The following SETBP1 variants were observed in gnomAD, a reference collection of about 807,000 sequenced individuals.
The protein encoded by SETBP1 is SET-binding protein.
A neutral mutation model predicts 101.0 loss-of-function variants in SETBP1; 9 were observed. That is an observed-to-expected ratio of 0.09 (90% CI 0.05 to 0.16). The LOEUF (loss-of-function observed/expected upper bound fraction) is 0.16, where lower values mean the gene tolerates loss of function less well. Ranked by LOEUF, SETBP1 falls within the 10% of genes least tolerant of loss-of-function variation. SETBP1 has a pLI of 1.00. For missense variants in SETBP1, 1,858 were observed against 2,033.8 expected, an observed-to-expected ratio of 0.91 and a Z score of 1.66; for synonymous variants, 818 against 788.5, an observed-to-expected ratio of 1.04 and a Z score of -0.63.
At chr18:44,927,011 G>A (rs2070721040) in intron 3 of SETBP1, among the ~76,000 whole-genome samples, 2 of 152,166 alleles carry the variant, frequency 1.3e-5, no homozygotes, top group South Asian at 4.1e-4. Context: ...AGGGAAAGTA[G>A]GAGGGGTAGC....
chr18:44,860,312 T>C (rs904857743), intron 2 of SETBP1, among the ~76,000 whole-genome samples: 1 of 152,192 alleles, frequency 6.6e-6, no homozygotes, highest in Non-Finnish European at 1.5e-5. Context: ...TTTCTTAATT[T>C]TGTTGGAAGG....
In SETBP1 at chr18:45,051,425, G is replaced by A. The variant is rs528744582; in HGVS notation, c.4172-11654G>A. ...CAAGAGAGCATATGACCCTTCTCCC[G>A]TAATAAACCATTATGATTCTGATTC... On this transcript the variant is annotated intron_variant, in intron 5 of 5. Transcript: ENST00000649279. Among the ~76,000 whole-genome samples the A allele has an allele frequency of 4.6e-5, 7 of 152,124 alleles. No individual in the cohort carries two copies. The South Asian group carries it at 6.2e-4, about 14-fold the overall frequency.
chr18:44,714,342 G>GC (rs2063290567), intron 2 of SETBP1, among the ~76,000 whole-genome samples: 1 of 152,046 alleles, frequency 6.6e-6, no homozygotes, highest in Non-Finnish European at 1.5e-5. Context: ...GGGACTACAG[G>GC]TGCATGCCAC....
chr18:44,708,254 G>A (rs948944071), intron 2 of SETBP1, among the ~76,000 whole-genome samples: 4 of 152,124 alleles, frequency 2.6e-5, no homozygotes, highest in African/African-American at 7.2e-5. Flanking sequence ...TCACTCCCAA[G>A]TGTACTGCTT....
chr18:44,845,986 G>A (rs2072716933), intron 2 of SETBP1, among the ~76,000 whole-genome samples: 1 of 152,224 alleles, frequency 6.6e-6, no homozygotes, highest in African/African-American at 2.4e-5. Context: ...TAGCAGAGGG[G>A]AAGGCTGGTG....
chr18:45,047,893 C>T (rs1381226707), intron 5 of SETBP1, among the ~76,000 whole-genome samples: 1 of 152,132 alleles, frequency 6.6e-6, no homozygotes, highest in Non-Finnish European at 1.5e-5. Flanking sequence ...CTGCTCTCTC[C>T]ATTCTCTCCC....
intron 5 of SETBP1, among the ~76,000 whole-genome samples, chr18:45,044,502 C>G (rs563631293): frequency 6.6e-6 from 1 of 152,304 alleles, no homozygotes; most frequent in South Asian, 2.1e-4. Flanking sequence ...CACCAAAAGC[C>G]TTCTGAAAAA....
At chr18:44,822,681 C>T (rs1221107083) in intron 2 of SETBP1, among the ~76,000 whole-genome samples, 3 of 152,328 alleles carry the variant, frequency 2.0e-5, no homozygotes, top group African/African-American at 7.2e-5. Context: ...AACTTGCTCC[C>T]TATGGCAGCT....
At chr18:44,874,618 A>T (rs182551323) in intron 3 of SETBP1, among the ~76,000 whole-genome samples, 1 of 152,204 alleles carries the variant, frequency 6.6e-6, no homozygotes, top group Admixed American at 6.5e-5. Flanking sequence ...AGAATTTGGG[A>T]TGCTGTTAAC....
At chr18:44,740,863 A>G (rs1276594699) in intron 2 of SETBP1, among the ~76,000 whole-genome samples, 1 of 152,220 alleles carries the variant, frequency 6.6e-6, no homozygotes, top group Non-Finnish European at 1.5e-5. Context: ...TACATTCACA[A>G]AATTTTATGG....
Position 44,950,523 on chromosome 18 carries a change from A to G in SETBP1, c.1183A>G (p.Asn395Asp). Residue 395 changes from asparagine (N) to aspartate (D), a missense_variant, in exon 4 of 6, where the codon AAT becomes GAT. Coordinates refer to ENST00000649279, the MANE Select transcript of SETBP1 (RefSeq NM_015559.3). Reference protein sequence around the residue: ...QNVSSASNPENDSSHVRITIP... With the variant: ...QNVSSASNPEDDSSHVRITIP... ...CGTGAGTTCTGCCAGTAATCCTGAA[A>G]ATGACTCAAGTCATGTCCGGATTAC... 1.2e-6 allele frequency: 2 copies of G among 1,614,050 alleles called. No individual in the cohort carries two copies. Among genetic ancestry groups the G allele is most frequent in the African/African-American group, 1.3e-5 (1 of 75,018 alleles).
At chr18:44,834,294 A>AT (rs1156417684) in intron 2 of SETBP1, among the ~76,000 whole-genome samples, 1 of 152,212 alleles carries the variant, frequency 6.6e-6, no homozygotes, top group African/African-American at 2.4e-5. Context: ...TAAGCCTTGC[A>AT]TAGAGAGAGT....
At chr18:44,884,049 A>G (rs1348552251) in intron 3 of SETBP1, among the ~76,000 whole-genome samples, 4 of 152,238 alleles carry the variant, frequency 2.6e-5, no homozygotes, top group African/African-American at 7.2e-5. Flanking sequence ...GAAATTTCCT[A>G]GCAACGAAAT....
chr18:44,922,194 G>A (rs2070597990), intron 3 of SETBP1, among the ~76,000 whole-genome samples: 1 of 152,204 alleles, frequency 6.6e-6, no homozygotes, highest in Admixed American at 6.5e-5. Flanking sequence ...GGAAGAGATG[G>A]AAAAAATATG....
At chr18:44,922,077 T>C (rs956854261) in intron 3 of SETBP1, among the ~76,000 whole-genome samples, 5 of 152,212 alleles carry the variant, frequency 3.3e-5, no homozygotes, top group Non-Finnish European at 7.3e-5. Context: ...GATACCCAAA[T>C]ATTCCATTTT....
At chr18:44,916,093 G>A (rs1285108339) in intron 3 of SETBP1, among the ~76,000 whole-genome samples, 1 of 152,104 alleles carries the variant, frequency 6.6e-6, no homozygotes, top group African/African-American at 2.4e-5. Context: ...AGTCATGGTG[G>A]TACGCGCCTG....
At chr18:44,842,742 A>G (rs2072643157) in intron 2 of SETBP1, among the ~76,000 whole-genome samples, 1 of 152,214 alleles carries the variant, frequency 6.6e-6, no homozygotes, top group African/African-American at 2.4e-5. Context: ...GAAAGGAGGG[A>G]CCACACAGTA....
intron 2 of SETBP1, among the ~76,000 whole-genome samples, chr18:44,827,889 G>A (rs2072270677): frequency 6.6e-6 from 1 of 152,156 alleles, no homozygotes. Flanking sequence ...GGGAAATGAA[G>A]AAAAGTAAGA....
rs1253620248 is a variant in SETBP1, at chr18:44,989,886, AAAAAAAAAAAAAAAAAAAAAAT to A, written c.4000+36547_4000+36568del. On this transcript the variant is annotated intron_variant, in intron 4 of 5. Coordinates refer to ENST00000649279, the MANE Select transcript of SETBP1 (RefSeq NM_015559.3). ...TCCGTCTCAAAAAAAAAAAAAAAAA[AAAAAAAAAAAAAAAAAAAAAAT>A]TTATCTAAGTGGACACACTGTAATC... Among the ~76,000 whole-genome samples, 789 of 126,072 alleles carry A rather than the reference AAAAAAAAAAAAAAAAAAAAAAT, an allele frequency of 6.3e-3. 26 individuals carry two copies. The highest frequency in any genetic ancestry group is 0.029 in the African/African-American group (708 of 24,258). 82.7% of individuals were successfully genotyped at this position (126,072 alleles called of 152,430 possible).
Sources: allele counts gnomAD v4.1 joint callset (sites outside exome capture counted in the v4.1 genomes callset), GRCh38; gene constraint gnomAD v4.1.1; transcripts MANE v1.5; gene names NCBI Gene and HGNC (gene_info 2026-07-23, HGNC 2026-07-21).